The following CRY1 variants were observed in gnomAD, a reference collection of about 807,000 sequenced individuals.
The protein encoded by CRY1 is cryptochrome circadian regulator 1.
Under a neutral mutation model 76.0 loss-of-function variants are expected in CRY1, and 45 were observed. The observed-to-expected ratio is 0.59, with a 90% CI of 0.47 to 0.76. CRY1 has a LOEUF of 0.76. Ranked by LOEUF, CRY1 falls within the 30% of genes least tolerant of loss-of-function variation. The pLI is 0.00. For synonymous variants in CRY1, 248 were observed against 244.0 expected (o/e 1.02, Z -0.15); for missense variants, 587 against 716.4 (o/e 0.82, Z 2.06).
At chr12:107,091,302 ACAGG>A (rs1953469225) in intron 1 of CRY1, among the ~76,000 whole-genome samples, 1 of 152,166 alleles carries the variant, frequency 6.6e-6, no homozygotes, top group Admixed American at 6.5e-5. Context: ...TGCTGGGATT[ACAGG>A]GATGAGCCAC....
chr12:107,067,947 G>C (rs566981976), intron 1 of CRY1, among the ~76,000 whole-genome samples: 5 of 152,288 alleles, frequency 3.3e-5, no homozygotes, highest in African/African-American at 4.8e-5. Flanking sequence ...CTTTGTATCT[G>C]AATTTATCTC....
intron 1 of CRY1, among the ~76,000 whole-genome samples, chr12:107,059,446 T>C (rs1234259591): frequency 6.6e-6 from 1 of 151,920 alleles, no homozygotes; most frequent in African/African-American, 2.4e-5. Flanking sequence ...AGAGATGAAG[T>C]CTCGCTATGT....
At chr12:107,052,454 C>T (rs1025671235) in intron 1 of CRY1, among the ~76,000 whole-genome samples, 1 of 151,984 alleles carries the variant, frequency 6.6e-6, no homozygotes, top group African/African-American at 2.4e-5. Flanking sequence ...AAACTTCCTA[C>T]AATTTGAAGC....
rs188087370 is a variant in CRY1, at chr12:107,012,354, C to G, written c.268-7106G>C. ...CCTTGAGAACTATGCTAAATCTACT[C>G]TGCCTGTGCAGAACAGGAACAACAA... On this transcript the variant is annotated intron_variant, in intron 2 of 12. Transcript: ENST00000008527. Among the ~76,000 whole-genome samples the G allele has an allele frequency of 2.2e-3, 334 of 152,290 alleles. 1 individual carries two copies. The highest frequency in any genetic ancestry group is 7.8e-3 in the African/African-American group (323 of 41,572).
chr12:107,014,418 T>C (rs1281080955), intron 2 of CRY1, among the ~76,000 whole-genome samples: 3 of 152,148 alleles, frequency 2.0e-5, no homozygotes, highest in Non-Finnish European at 2.9e-5. Flanking sequence ...AAAGCACAAG[T>C]ATATCAAGAA....
Position 107,001,766 on chromosome 12 carries a change from A to C in CRY1, c.593T>G (p.Leu198Arg). ...EKYGVPSLEE[L>R]GFDTDGLSSA... ...CACTGACTACAGTTTACACTCACCT[A>C]GCTCTTCCAGTGAAGGGACTCCATA... Residue 198 changes from leucine (L) to arginine (R), a missense_variant and splice_region_variant, in exon 4 of 13, where the codon CTA (leucine) becomes CGA (arginine). Physicochemically the swap from Leu to Arg is moderately radical, Grantham distance 102. Coordinates refer to ENST00000008527, the MANE Select transcript of CRY1 (RefSeq NM_004075.5). 6.5e-7 allele frequency: 1 copy of C among 1,549,614 alleles called. No homozygotes were observed. The highest frequency in any genetic ancestry group is 8.6e-7 in the Non-Finnish European group (1 of 1,160,708).
At position 107,039,862 on chromosome 12, in the gene CRY1, C is replaced by T. The variant is rs1162515418; in HGVS notation, c.159-17670G>A. 2.0e-5 allele frequency among the ~76,000 whole-genome samples: 3 copies of T among 152,142 alleles called. No homozygotes were observed. In the East Asian group the frequency reaches 5.8e-4, roughly 29 times the overall value. On this transcript the variant is annotated intron_variant, in intron 1 of 12. Transcript: ENST00000008527. ...GATTCCAAAGCAATATTAGCACTCC[C>T]AAGTTCACTGCAGCACTATTCAAAA...
At chr12:107,009,308 G>A (rs1952411583) in intron 2 of CRY1, among the ~76,000 whole-genome samples, 1 of 151,798 alleles carries the variant, frequency 6.6e-6, no homozygotes, top group Admixed American at 6.6e-5. Flanking sequence ...GGAGGCTGAG[G>A]CAGGCGGATA....
intron 1 of CRY1, among the ~76,000 whole-genome samples, chr12:107,040,919 TAAA>T (rs34404696): frequency 7.1e-6 from 1 of 140,574 alleles, no homozygotes; most frequent in Non-Finnish European, 1.6e-5. Flanking sequence ...TATAAACCTT[TAAA>T]AAAAAAAAAA....
At chr12:107,000,176 G>T in intron 5 of CRY1, 94 bp from the exon 6 acceptor site, 1 of 1,241,992 alleles carries the variant, frequency 8.1e-7, no homozygotes, top group Non-Finnish European at 1.1e-6. Context: ...AAGTTACATA[G>T]TTCTTGGGGA....
At chr12:107,004,883 G>GT (rs1952352526) in intron 3 of CRY1, among the ~76,000 whole-genome samples, 1 of 152,124 alleles carries the variant, frequency 6.6e-6, no homozygotes, top group Non-Finnish European at 1.5e-5. Flanking sequence ...GCTGATACCT[G>GT]TCATTGGGTC....
intron 1 of CRY1, among the ~76,000 whole-genome samples, chr12:107,023,101 C>T (rs1952575933): frequency 6.6e-6 from 1 of 152,146 alleles, no homozygotes; most frequent in African/African-American, 2.4e-5. Context: ...AGATTCTGTT[C>T]TTTTCAGCTG....
At chr12:107,021,378 C>T (rs1952556191) in intron 2 of CRY1, among the ~76,000 whole-genome samples, 1 of 152,184 alleles carries the variant, frequency 6.6e-6, no homozygotes. Context: ...TAAGAATTAT[C>T]CCACAAATGT....
At position 107,092,797 on chromosome 12, in the gene CRY1, G is replaced by C. The variant is rs758952806; in HGVS notation, c.158+7C>G. 3 of 1,611,310 alleles carry C rather than the reference G, an allele frequency of 1.9e-6. No homozygotes were observed. Among genetic ancestry groups the C allele is most frequent in the Admixed American group, 1.7e-5 (1 of 59,898 alleles). ...CCAAATCCATTTCCCACGGGCTTGT[G>C]ACTCACCGCCACCTGTTGATGCCCA... On this transcript the variant is annotated splice_region_variant and intron_variant, in intron 1 of 12. Transcript: ENST00000008527.
intron 7 of CRY1, 24 bp from the exon 8 acceptor site, chr12:106,998,090 T>C: frequency 1.2e-6 from 2 of 1,612,742 alleles, no homozygotes; most frequent in Non-Finnish European, 1.7e-6. Context: ...AGTAACCAAT[T>C]AGTTTGCACA....
chr12:107,054,801 A>G (rs1036930630), intron 1 of CRY1, among the ~76,000 whole-genome samples: 5 of 152,064 alleles, frequency 3.3e-5, no homozygotes, highest in Non-Finnish European at 7.4e-5. Flanking sequence ...AATCATCTAA[A>G]TATATACATA....
At chr12:107,063,466 G>T (rs1263966474) in intron 1 of CRY1, among the ~76,000 whole-genome samples, 1 of 152,132 alleles carries the variant, frequency 6.6e-6, no homozygotes, top group East Asian at 1.9e-4. Context: ...TATGTTTGGG[G>T]CAAGTTTTTC....
intron 2 of CRY1, among the ~76,000 whole-genome samples, chr12:107,012,647 T>A (rs1016578673): frequency 6.6e-6 from 1 of 152,238 alleles, no homozygotes; most frequent in Admixed American, 6.5e-5. Flanking sequence ...TTTGTAAGGC[T>A]ATAGCTGCCA....
intron 2 of CRY1, among the ~76,000 whole-genome samples, chr12:107,011,734 C>A (rs887907445): frequency 6.6e-6 from 1 of 152,180 alleles, no homozygotes; most frequent in Admixed American, 6.5e-5. Context: ...CCTAAAAGTA[C>A]AAAGTGAAGC....
Sources: allele counts gnomAD v4.1 joint callset (sites outside exome capture counted in the v4.1 genomes callset), GRCh38; gene constraint gnomAD v4.1.1; transcripts MANE v1.5; gene names NCBI Gene and HGNC (gene_info 2026-07-23, HGNC 2026-07-21).